HELZ2: variants seen among roughly 807,000 people sequenced by gnomAD.
The protein encoded by HELZ2 is 3'-5' exoribonuclease HELZ2.
In HELZ2, 143 loss-of-function variants were observed where a neutral mutation model predicts 208.8. That is an observed-to-expected ratio of 0.68 (90% CI 0.60 to 0.79). The LOEUF (loss-of-function observed/expected upper bound fraction) is 0.79. Ranked by LOEUF, HELZ2 falls within the 30% of genes least tolerant of loss-of-function variation. The probability of loss-of-function intolerance (pLI) is 0.00; values close to 1 mark genes in which losing one functional copy is unlikely to be tolerated. For synonymous variants in HELZ2, 1,705 were observed against 1,693.7 expected (o/e 1.01, Z -0.16); for missense variants, 3,690 against 3,794.5 (o/e 0.97, Z 0.72).
chr20:63,569,754 G>A, intron 3 of HELZ2, 89 bp from the exon 5 acceptor site: 1 of 1,346,474 alleles, frequency 7.4e-7, no homozygotes, highest in Non-Finnish European at 9.8e-7. Flanking sequence ...CAAGTGCAGG[G>A]TTCAGGTCCT....
exon 5 of HELZ2, chr20:63,568,891 G>A: frequency 1.2e-6 from 2 of 1,611,600 alleles, no homozygotes; most frequent in Non-Finnish European, 1.7e-6. Context: ...GCATCAGGGA[G>A]GAGGGGACGG....
chr20:63,561,819 G>A lies in HELZ2; in HGVS notation c.6691+4C>T, dbSNP rs1031528101. On this transcript the variant is annotated splice_donor_region_variant and intron_variant, in intron 11 of 18. Coordinates refer to ENST00000467148, the Ensembl canonical transcript of HELZ2. ...AAAGGCCCCCACCGCCGACCCCGGC[G>A]CACCTGCCAGGACATCCACCGACTT... The A allele has an allele frequency of 6.4e-7, 1 of 1,556,320 alleles. No individual in the cohort carries two copies. The highest frequency in any genetic ancestry group is 1.2e-5 in the South Asian group (1 of 85,530).
intron 3 of HELZ2, chr20:63,570,034 C>T (rs1302986602): frequency 1.6e-5 from 7 of 433,660 alleles, no homozygotes; most frequent in Non-Finnish European, 2.6e-5. Context: ...CTACAACCTC[C>T]GCCTCCTGGG....
Position 63,561,062 on chromosome 20 carries a change from C to T in HELZ2, c.7146+20G>A, listed in dbSNP as rs756618081. On this transcript the variant is annotated intron_variant, in intron 14 of 18. Coordinates refer to ENST00000467148, the Ensembl canonical transcript of HELZ2. ...GCCAGGGACGCCTGCTCATGCTGCC[C>T]ACACCCCCCGCCGACCAACCTTCTC... The T allele has an allele frequency of 1.2e-6, 2 of 1,604,488 alleles. No individual in the cohort carries two copies. The highest frequency in any genetic ancestry group is 2.2e-5 in the East Asian group (1 of 44,792).
exon 8 of HELZ2, chr20:63,566,045 T>C (rs753700830): frequency 3.8e-6 from 6 of 1,590,202 alleles, no homozygotes; most frequent in Non-Finnish European, 5.1e-6. Flanking sequence ...CTCCCAGAGC[T>C]TGCCGCAGGC....
chr20:63,560,543 A>G, exon 16 of HELZ2: 1 of 1,612,910 alleles, frequency 6.2e-7, no homozygotes, highest in Non-Finnish European at 8.5e-7. Flanking sequence ...GGACACCAGC[A>G]GGCTCCGCTC....
At chr20:63,560,998 CGCGT>C in intron 14 of HELZ2, 69 bp from the exon 16 acceptor site, 1 of 1,595,050 alleles carries the variant, frequency 6.3e-7, no homozygotes, top group East Asian at 2.2e-5. Flanking sequence ...ACACGACACC[CGCGT>C]CTGCACACAC....
chr20:63,569,625 C>T, exon 4 of HELZ2: 1 of 1,547,710 alleles, frequency 6.5e-7, no homozygotes, highest in Non-Finnish European at 8.7e-7. Flanking sequence ...GAAGTCGGCT[C>T]CTGGCTCCTG....
chr20:63,565,871 A>T, exon 8 of HELZ2: 1 of 1,597,894 alleles, frequency 6.3e-7, no homozygotes, highest in Non-Finnish European at 8.5e-7. Flanking sequence ...CTCCTCGGCC[A>T]GGTCCCCTAC....
At chr20:63,566,408 C>A in exon 7 of HELZ2, 5 of 1,548,428 alleles carry the variant, frequency 3.2e-6, no homozygotes, top group East Asian at 4.9e-5. Context: ...CCGACAGACA[C>A]CTGGCCTAGG....
chr20:63,562,234 T>C lies in HELZ2; in HGVS notation c.6398-31A>G, dbSNP rs3810482. On this transcript the variant is annotated intron_variant, in intron 9 of 18. Coordinates refer to ENST00000467148, the Ensembl canonical transcript of HELZ2. ...AGGGGGCAGCCTCCCTGAGCACTCA[T>C]GCAGGGTGGGGCTGGGGGCCAGAGG... 0.26 allele frequency: 420,789 copies of C among 1,601,910 alleles called. 56,513 individuals are homozygous for C. Among genetic ancestry groups the C allele is most frequent in the Admixed American group, 0.38 (22,591 of 59,374 alleles).
Position 63,572,092 on chromosome 20 carries a change from C to T in HELZ2, c.278+16G>A. On this transcript the variant is annotated intron_variant, in intron 1 of 18. Coordinates refer to ENST00000467148, the Ensembl canonical transcript of HELZ2. ...GCTCCTGCCCTACTCCAAGCTCCTGCCTCGAGTATCCTTACTTTGGGCAGA... is the reference window on the plus strand; with the variant it reads ...GCTCCTGCCCTACTCCAAGCTCCTGTCTCGAGTATCCTTACTTTGGGCAGA... The T allele has an allele frequency of 1.3e-6, 2 of 1,594,972 alleles. No individual in the cohort carries two copies. The highest frequency in any genetic ancestry group is 2.3e-5 in the South Asian group (2 of 88,310).
rs571327252 is a variant in HELZ2 at position 63,562,347 on chromosome 20, G to A, written c.6338C>T (p.Ala2113Val). The stretch of plus-strand genomic sequence containing the variant: ...TGCGATGCTGGTGACCAGCGGGGAC[G>A]CCTCCTCTAGTCCACGCACGGCTTC... The change falls in exon 9 of 19, where the codon GCG becomes GTG. Residue 2113 changes from alanine to valine, a missense_variant. This residue lies in a region of HELZ2 where 2,564 missense variants were observed against 2,580.5 expected (regional missense o/e 0.99). Transcript: ENST00000467148. 1.3e-5 allele frequency: 21 copies of A among 1,594,464 alleles called. No homozygotes were observed. The highest frequency in any genetic ancestry group is 3.3e-4 in the Middle Eastern group (2 of 5,998).
chr20:63,562,347 G>C, exon 9 of HELZ2: 2 of 1,594,464 alleles, frequency 1.3e-6, no homozygotes, highest in Non-Finnish European at 1.7e-6. Context: ...CAGCGGGGAC[G>C]CCTCCTCTAG....
At chr20:63,569,183 A>G (rs2082993875) in exon 4 of HELZ2, 3 of 1,549,536 alleles carry the variant, frequency 1.9e-6, no homozygotes, top group Admixed American at 2.1e-5. Context: ...CCTCCTCCTC[A>G]TAGAGAAACT....
exon 5 of HELZ2, chr20:63,568,394 G>A: frequency 6.2e-7 from 1 of 1,610,774 alleles, no homozygotes; most frequent in Non-Finnish European, 8.5e-7. Flanking sequence ...CTTGGTTTCA[G>A]GCCTCCGGAT....
Position 63,563,172 on chromosome 20 carries a change from G to A in HELZ2, c.5650C>T (p.Gln1884Ter). ...TGCAGGCTGGTGCCGAGCTGCACCT[G>A]CAGGGTGTCCCCACTGCCCAGCTCC... The change falls in exon 8 of 19, where the codon CAG (glutamine) becomes TAG (stop). Residue 1884 changes from glutamine (Q) to a stop codon, truncating the protein, a stop_gained. Coordinates refer to ENST00000467148, the Ensembl canonical transcript of HELZ2. LOFTEE classifies it high-confidence loss of function. 6.3e-7 allele frequency: 1 copy of A among 1,592,664 alleles called. No homozygotes were observed. Among genetic ancestry groups the A allele is most frequent in the Non-Finnish European group, 8.5e-7 (1 of 1,175,446 alleles).
exon 4 of HELZ2, chr20:63,569,384 C>T (rs772865603): frequency 5.6e-6 from 9 of 1,608,730 alleles, no homozygotes; most frequent in African/African-American, 2.7e-5. Context: ...GGTGGCCGAG[C>T]GCCAGATTCC....
At chr20:63,569,617 A>C in exon 4 of HELZ2, 1 of 1,552,280 alleles carries the variant, frequency 6.4e-7, no homozygotes, top group African/African-American at 1.4e-5. Context: ...ACCAGAGAGA[A>C]GTCGGCTCCT....
Sources: gnomAD v4.1 joint callset for allele counts on GRCh38, gnomAD v4.1.1 for gene constraint, gnomAD v4.1.1 regional missense constraint, MANE v1.5 for transcripts, NCBI Gene and HGNC (gene_info 2026-07-23, HGNC 2026-07-21) for gene names.